The following GLIS3 variants were observed in gnomAD, a reference collection of about 807,000 sequenced individuals.
The protein encoded by GLIS3 is GLIS family zinc finger 3, also known as zinc finger protein GLIS3.
In GLIS3, 53 loss-of-function variants were observed where a neutral mutation model predicts 78.6. The observed-to-expected ratio is 0.67, with a 90% confidence interval of 0.54 to 0.85. The LOEUF is 0.85. GLIS3 is among the 40% of genes least tolerant of loss of function. GLIS3 has a pLI of 0.00. For synonymous variants in GLIS3, 684 were observed against 509.9 expected, an observed-to-expected ratio of 1.34 and a Z score of -4.60; for missense variants, 1,703 against 1,231.1, an observed-to-expected ratio of 1.38 and a Z score of -5.74.
chr9:4,385,663 CT>C, the GLIS3 span, among the ~76,000 whole-genome samples: 2 of 18,794 alleles, frequency 1.1e-4, 1 homozygote, highest in South Asian at 4.8e-3. Flanking sequence ...GAAACTCCAT[CT>C]CAAAAAAAAA....
At chr9:4,207,619 C>A (rs559130996) in intron 2 of GLIS3, among the ~76,000 whole-genome samples, 1 of 152,294 alleles carries the variant, frequency 6.6e-6, no homozygotes, top group East Asian at 1.9e-4. Context: ...TGCCTTTAAT[C>A]TCCACAGCCC....
At chr9:4,115,091 C>T (rs1488883241) in intron 4 of GLIS3, among the ~76,000 whole-genome samples, 1 of 152,226 alleles carries the variant, frequency 6.6e-6, no homozygotes, top group Non-Finnish European at 1.5e-5. Flanking sequence ...AGCCCTCTCA[C>T]ACACCCCTAT....
the GLIS3 span, among the ~76,000 whole-genome samples, chr9:4,485,380 A>T: frequency 6.6e-6 from 1 of 152,054 alleles, no homozygotes; most frequent in Non-Finnish European, 1.5e-5. Context: ...CTACACTCAG[A>T]TCCACAAATC....
intron 4 of GLIS3, among the ~76,000 whole-genome samples, chr9:3,981,920 G>C (rs1419303316): frequency 1.3e-5 from 2 of 152,064 alleles, no homozygotes; most frequent in Non-Finnish European, 2.9e-5. Context: ...GCTTTGGCAG[G>C]CTCTAAGCTC....
At chr9:4,287,267 T>G (rs1319198214) in intron 1 of GLIS3, among the ~76,000 whole-genome samples, 1 of 152,162 alleles carries the variant, frequency 6.6e-6, no homozygotes, top group East Asian at 1.9e-4. Context: ...AGAACGTCCC[T>G]TCTAAAAGTG....
At chr9:4,214,131 A>T (rs902809794) in intron 2 of GLIS3, among the ~76,000 whole-genome samples, 6 of 152,206 alleles carry the variant, frequency 3.9e-5, no homozygotes, top group African/African-American at 1.2e-4. Flanking sequence ...AACACATATC[A>T]AACAAAACTC....
chr9:4,329,975 G>GT (rs1817661675), intron 2 of GLIS3, among the ~76,000 whole-genome samples: 1 of 126,874 alleles, frequency 7.9e-6, no homozygotes, highest in South Asian at 2.5e-4. Context: ...ATTAATCTTT[G>GT]TGTTTTTCTT....
Position 4,018,655 on chromosome 9 carries a change from G to A in GLIS3, c.1711-81466C>T, listed in dbSNP as rs114275986. 4.0e-3 allele frequency among the ~76,000 whole-genome samples: 604 copies of A among 152,196 alleles called. 2 individuals carry two copies. The highest frequency in any genetic ancestry group is 0.014 in the African/African-American group (575 of 41,504). Reference sequence around the variant, plus strand: ...CAAAGGAGCAATGGTTCTCAACTGCGTTCCACCTAAACTCTGAGATATGAT... The same window carrying A: ...CAAAGGAGCAATGGTTCTCAACTGCATTCCACCTAAACTCTGAGATATGAT... On this transcript the variant is annotated intron_variant, in intron 4 of 10. Coordinates refer to ENST00000381971, the MANE Select transcript of GLIS3 (RefSeq NM_001042413.2).
the GLIS3 span, among the ~76,000 whole-genome samples, chr9:4,378,204 CTA>C: frequency 4.0e-5 from 6 of 151,224 alleles, no homozygotes; most frequent in South Asian, 6.3e-4. Flanking sequence ...GTGCCAGATA[CTA>C]TATATATATA....
At chr9:4,282,243 T>C (rs948589455) in intron 2 of GLIS3, among the ~76,000 whole-genome samples, 7 of 152,230 alleles carry the variant, frequency 4.6e-5, no homozygotes, top group Admixed American at 1.3e-4. Context: ...AAAGCAATGA[T>C]ACTGCTTTGG....
chr9:4,258,984 A>C (rs932008245), intron 2 of GLIS3, among the ~76,000 whole-genome samples: 1 of 152,154 alleles, frequency 6.6e-6, no homozygotes, highest in Non-Finnish European at 1.5e-5. Flanking sequence ...ATAACCTAGC[A>C]AACCATTTTA....
the GLIS3 span, among the ~76,000 whole-genome samples, chr9:4,432,736 G>A: frequency 8.8e-5 from 13 of 147,922 alleles, no homozygotes; most frequent in African/African-American, 1.3e-4. Context: ...CGCCCCCTGC[G>A]CTCAAGTGAT....
At chr9:3,936,894 C>T in intron 5 of GLIS3, 134 bp downstream of exon 5, 1 of 1,203,198 alleles carries the variant, frequency 8.3e-7, no homozygotes, top group Admixed American at 1.9e-5. Flanking sequence ...TTTTACCAGG[C>T]TCCACTGCTG....
intron 4 of GLIS3, among the ~76,000 whole-genome samples, chr9:4,029,649 T>C (rs1476712601): frequency 6.6e-6 from 1 of 151,970 alleles, no homozygotes; most frequent in Non-Finnish European, 1.5e-5. Flanking sequence ...ATTCTCCATT[T>C]CCATGGGCTC....
chr9:4,105,952 G>A (rs751999002), intron 4 of GLIS3, among the ~76,000 whole-genome samples: 3 of 152,120 alleles, frequency 2.0e-5, no homozygotes, highest in Non-Finnish European at 4.4e-5. Context: ...ACTTGCTACA[G>A]GGAGGGACAA....
chr9:4,302,811 C>A (rs955502093), upstream of GLIS3, among the ~76,000 whole-genome samples: 3 of 152,118 alleles, frequency 2.0e-5, no homozygotes, highest in Admixed American at 6.5e-5. Flanking sequence ...TAGATGAGCA[C>A]AATGAAGTTT....
chr9:4,026,456 C>A (rs1823356682), intron 4 of GLIS3, among the ~76,000 whole-genome samples: 1 of 152,134 alleles, frequency 6.6e-6, no homozygotes, highest in Admixed American at 6.5e-5. Context: ...GCATAAAAAT[C>A]TATGTACTTT....
At chr9:4,362,630 A>G in the GLIS3 span, among the ~76,000 whole-genome samples, 1 of 152,208 alleles carries the variant, frequency 6.6e-6, no homozygotes, top group African/African-American at 2.4e-5. Flanking sequence ...AAGGAATCTT[A>G]CCTTATGCGG....
chr9:3,944,482 G>T (rs1816156029), intron 4 of GLIS3, among the ~76,000 whole-genome samples: 1 of 152,182 alleles, frequency 6.6e-6, no homozygotes, highest in Non-Finnish European at 1.5e-5. Flanking sequence ...AATGCCAGAA[G>T]ACTACAATTG....
Sources: allele counts gnomAD v4.1 joint callset (sites outside exome capture counted in the v4.1 genomes callset), GRCh38; gene constraint gnomAD v4.1.1; transcripts MANE v1.5; gene names NCBI Gene and HGNC (gene_info 2026-07-23, HGNC 2026-07-21).